CDC14A: variants seen among roughly 807,000 people sequenced by gnomAD.
The protein encoded by CDC14A is dual specificity protein phosphatase CDC14A.
CDC14A carries 53 observed loss-of-function variants against 74.4 expected under a neutral mutation model. The ratio of observed to expected loss-of-function variants is 0.71; its 90% confidence interval spans 0.57 to 0.89. CDC14A has a LOEUF of 0.89. Ranked by LOEUF, CDC14A falls within the 40% of genes least tolerant of loss-of-function variation. The probability of loss-of-function intolerance (pLI) is 0.00; values close to 1 mark genes in which losing one functional copy is unlikely to be tolerated. For missense variants in CDC14A, 646 were observed against 713.7 expected (o/e 0.91, Z 1.08); for synonymous variants, 247 against 258.4 (o/e 0.96, Z 0.43).
chr1:100,352,914 T>G lies in CDC14A; in HGVS notation c.-41T>G. 1 of 1,613,116 alleles carries G rather than the reference T, an allele frequency of 6.2e-7. No individual in the cohort carries two copies. The highest frequency in any genetic ancestry group is 8.5e-7 in the Non-Finnish European group (1 of 1,179,854). On this transcript the variant is annotated 5_prime_UTR_variant, in exon 1 of 16. Coordinates refer to ENST00000336454, the MANE Select transcript of CDC14A (RefSeq NM_003672.4). Reference sequence around the variant, plus strand: ...GCCCCCGGGGGCGAGTGACTTCAGCTGGCCACGACCCAGCCCTCCCCCGTG... The same window carrying G: ...GCCCCCGGGGGCGAGTGACTTCAGCGGGCCACGACCCAGCCCTCCCCCGTG...
At chr1:100,500,095 G>C (rs918206313) in intron 15 of CDC14A, among the ~76,000 whole-genome samples, 3 of 152,072 alleles carry the variant, frequency 2.0e-5, no homozygotes, top group Non-Finnish European at 2.9e-5. Flanking sequence ...TGCCTCTAGG[G>C]GTATTGAGAT....
chr1:100,426,878 C>A (rs1663023695), intron 5 of CDC14A, among the ~76,000 whole-genome samples: 1 of 152,066 alleles, frequency 6.6e-6, no homozygotes, highest in South Asian at 2.1e-4. Flanking sequence ...TCTTCATAAA[C>A]CATACATTTG....
At chr1:100,457,193 G>C (rs1018691201) in intron 8 of CDC14A, among the ~76,000 whole-genome samples, 1 of 152,170 alleles carries the variant, frequency 6.6e-6, no homozygotes, top group African/African-American at 2.4e-5. Context: ...GAGAAATTGA[G>C]AGATATAATT....
intron 5 of CDC14A, among the ~76,000 whole-genome samples, chr1:100,431,792 G>T (rs116749622): frequency 1.5e-3 from 226 of 151,944 alleles, no homozygotes; most frequent in African/African-American, 5.2e-3. Flanking sequence ...TGAGGCTGCA[G>T]TGAGTTATGA....
chr1:100,430,440 C>G (rs772015990), intron 5 of CDC14A, among the ~76,000 whole-genome samples: 1 of 152,076 alleles, frequency 6.6e-6, no homozygotes, highest in Non-Finnish European at 1.5e-5. Context: ...TAGTGATATC[C>G]CAGTTGCTGA....
At chr1:100,510,182 C>T (rs887398684) in intron 15 of CDC14A, among the ~76,000 whole-genome samples, 1 of 152,220 alleles carries the variant, frequency 6.6e-6, no homozygotes, top group African/African-American at 2.4e-5. Flanking sequence ...TGGGCACTGC[C>T]AACATTCTGG....
intron 4 of CDC14A, among the ~76,000 whole-genome samples, chr1:100,401,263 A>G (rs952848073): frequency 6.6e-6 from 1 of 152,154 alleles, no homozygotes; most frequent in Non-Finnish European, 1.5e-5. Context: ...ACTTTGTCTT[A>G]TTTTCCACAA....
intron 2 of CDC14A, among the ~76,000 whole-genome samples, chr1:100,358,215 T>G (rs1570944008): frequency 6.6e-6 from 1 of 152,220 alleles, no homozygotes; most frequent in East Asian, 1.9e-4. Context: ...CTGCATTTGA[T>G]TAAGCTACAA....
At chr1:100,353,652 A>C (rs1651456775) in intron 1 of CDC14A, 110 bp from the exon 2 acceptor site, 1 of 639,064 alleles carries the variant, frequency 1.6e-6, no homozygotes. Context: ...CAAGAATTCC[A>C]CGTGTTAATG....
At chr1:100,486,175 A>G (rs532431771) in intron 11 of CDC14A, among the ~76,000 whole-genome samples, 1 of 152,296 alleles carries the variant, frequency 6.6e-6, no homozygotes, top group African/African-American at 2.4e-5. Context: ...AAAGACAAAC[A>G]TAAAGTTAAT....
intron 8 of CDC14A, among the ~76,000 whole-genome samples, chr1:100,459,126 C>CAGAGAGAGAGAGAGAGAGAGAGAG (rs112078644): frequency 1.4e-5 from 2 of 144,576 alleles, no homozygotes; most frequent in African/African-American, 5.2e-5. Flanking sequence ...CACACACACA[C>CAGAGAGAGAGAGAGAGAGAGAGAG]AGAGAGAGAG....
At chr1:100,454,619 C>T (rs1666494217) in intron 7 of CDC14A, among the ~76,000 whole-genome samples, 1 of 152,148 alleles carries the variant, frequency 6.6e-6, no homozygotes, top group African/African-American at 2.4e-5. Flanking sequence ...AGACTAGAGG[C>T]TGATAACTGG....
chr1:100,494,404 T>A (rs1370151961), intron 11 of CDC14A, among the ~76,000 whole-genome samples: 1 of 152,234 alleles, frequency 6.6e-6, no homozygotes, highest in African/African-American at 2.4e-5. Context: ...TATTTTTATC[T>A]TGTATTTTTG....
At chr1:100,366,285 G>C (rs1377432432) in intron 2 of CDC14A, among the ~76,000 whole-genome samples, 1 of 152,140 alleles carries the variant, frequency 6.6e-6, no homozygotes, top group Non-Finnish European at 1.5e-5. Flanking sequence ...GTAATGCCTT[G>C]CTCAGAATAG....
intron 4 of CDC14A, among the ~76,000 whole-genome samples, chr1:100,420,035 C>CATAT (rs1340962877): frequency 7.4e-5 from 1 of 13,516 alleles, no homozygotes; most frequent in Non-Finnish European, 1.3e-4. Context: ...CATATATACA[C>CATAT]ACACACACAC....
rs556470596 is a variant in CDC14A at position 100,393,181 on chromosome 1, A to G, written c.309+2357A>G. ...TTTGACTCCATTTCTCTCAATTTAG[A>G]TCCAGCTGTGAGTTGCATGTTCTTT... is the stretch of plus-strand genomic sequence containing the variant. On this transcript the variant is annotated intron_variant, in intron 4 of 15. Transcript: ENST00000336454. The G allele has an allele frequency of 8.5e-5, 135 of 1,590,774 alleles. No individual in the cohort carries two copies. In the African/African-American group the frequency reaches 1.7e-3, roughly 19 times the overall value.
At chr1:100,370,671 G>T (rs910114457) in intron 2 of CDC14A, among the ~76,000 whole-genome samples, 7 of 152,092 alleles carry the variant, frequency 4.6e-5, no homozygotes, top group African/African-American at 1.7e-4. Context: ...TGTTCTATGT[G>T]TCTGTTTTTG....
chr1:100,404,686 TG>T (rs945139600), intron 4 of CDC14A, among the ~76,000 whole-genome samples: 1 of 151,940 alleles, frequency 6.6e-6, no homozygotes, highest in Non-Finnish European at 1.5e-5. Context: ...AAAAATTAGC[TG>T]GGCGTGGTGG....
At chr1:100,346,474 A>T (rs890091756) in intron 1 of CDC14A, among the ~76,000 whole-genome samples, 1 of 152,228 alleles carries the variant, frequency 6.6e-6, no homozygotes, top group Admixed American at 6.5e-5. Context: ...TCTACAAAAA[A>T]TTAAACAATT....
Sources: allele counts gnomAD v4.1 joint callset (sites outside exome capture counted in the v4.1 genomes callset), GRCh38; gene constraint gnomAD v4.1.1; transcripts MANE v1.5; gene names NCBI Gene and HGNC (gene_info 2026-07-23, HGNC 2026-07-21).